Variants in TTC28 observed in about 807,000 individuals in gnomAD.
The protein encoded by TTC28 is tetratricopeptide repeat domain 28, also known as tetratricopeptide repeat protein 28.
Under a neutral mutation model 198.0 loss-of-function variants are expected in TTC28, and 61 were observed. The ratio of observed to expected loss-of-function variants is 0.31; its 90% CI spans 0.25 to 0.38. TTC28 has a LOEUF of 0.38. Ranked by LOEUF, TTC28 falls within the 10% of genes least tolerant of loss-of-function variation. The pLI, the probability that TTC28 is intolerant of heterozygous loss-of-function variation, is 1.00. For synonymous variants in TTC28, 1,171 were observed against 1,297.8 expected (o/e 0.90, Z 2.10); for missense variants, 2,678 against 3,164.0 (o/e 0.85, Z 3.69).
chr22:28,318,544 A>G (rs1291765514), intron 2 of TTC28, among the ~76,000 whole-genome samples: 1 of 152,196 alleles, frequency 6.6e-6, no homozygotes, highest in African/African-American at 2.4e-5. Flanking sequence ...CAGAGTCTTC[A>G]GAAAGCTATA....
At chr22:28,165,036 AG>A (rs1204981251) in intron 5 of TTC28, among the ~76,000 whole-genome samples, 1 of 152,252 alleles carries the variant, frequency 6.6e-6, no homozygotes. Context: ...TGAATGCACA[AG>A]CCTCAGTAGC....
intron 3 of TTC28, among the ~76,000 whole-genome samples, chr22:28,301,970 C>G (rs953011736): frequency 4.6e-5 from 7 of 151,734 alleles, no homozygotes; most frequent in African/African-American, 1.5e-4. Context: ...CCGGGAAGGT[C>G]GAGGCTGCAG....
At chr22:28,126,164 C>A (rs1012055670) in intron 6 of TTC28, among the ~76,000 whole-genome samples, 1 of 152,170 alleles carries the variant, frequency 6.6e-6, no homozygotes, top group African/African-American at 2.4e-5. Context: ...TTTACTGCAG[C>A]ATTACATGGT....
chr22:28,494,995 G>T (rs2048433719), intron 2 of TTC28, among the ~76,000 whole-genome samples: 1 of 151,904 alleles, frequency 6.6e-6, no homozygotes, highest in South Asian at 2.1e-4. Context: ...CTAACCAGAA[G>T]AATTCTGGTT....
chr22:28,670,155 C>T (rs1022331079), intron 1 of TTC28, among the ~76,000 whole-genome samples: 3 of 150,084 alleles, frequency 2.0e-5, no homozygotes, highest in African/African-American at 7.3e-5. Flanking sequence ...AAGGGTTAGA[C>T]TTTTATTTTC....
chr22:28,497,468 T>TC (rs2048472959), intron 2 of TTC28, among the ~76,000 whole-genome samples: 1 of 152,020 alleles, frequency 6.6e-6, no homozygotes, highest in Non-Finnish European at 1.5e-5. Context: ...TGGCTGCACA[T>TC]TAGAAGCAAT....
At chr22:28,270,232 C>T (rs141576772) in intron 5 of TTC28, among the ~76,000 whole-genome samples, 3 of 151,896 alleles carry the variant, frequency 2.0e-5, no homozygotes, top group South Asian at 4.2e-4. Flanking sequence ...AACAAAAGGC[C>T]GATGACAAAA....
chr22:28,385,760 A>G (rs1280009125), intron 2 of TTC28, among the ~76,000 whole-genome samples: 2 of 152,178 alleles, frequency 1.3e-5, no homozygotes, highest in African/African-American at 4.8e-5. Context: ...ACTACAATTT[A>G]GCTCCATCCT....
At position 27,998,856 on chromosome 22, in the gene TTC28, C is replaced by G. The variant is rs916946498; in HGVS notation, c.4803G>C (p.Leu1601=). The G allele has an allele frequency of 1.3e-6, 2 of 1,549,966 alleles. No individual in the cohort carries two copies. The highest frequency in any genetic ancestry group is 2.7e-5 in the African/African-American group (2 of 73,064). Residue 1601 remains leucine (L), a synonymous_variant, in exon 16 of 23, where the codon CTG becomes CTC. Coordinates refer to ENST00000397906, the MANE Select transcript of TTC28 (RefSeq NM_001145418.2). ...CGGCGGCAGTAAGCAGCAGCTCCTG[C>G]AGGGGCGGGCAGTCCGAGATGCTCT... ...DGESISDCPP[L]QELLLTAADV...
rs1937045851 is a variant in TTC28, at chr22:27,982,295, G to A, written c.7372C>T (p.Pro2458Ser). 6.7e-7 allele frequency: 1 copy of A among 1,502,670 alleles called. No homozygotes were observed. Among genetic ancestry groups the A allele is most frequent in the Non-Finnish European group, 8.9e-7 (1 of 1,124,520 alleles). 93.1% of individuals were successfully genotyped at this position (1,502,670 alleles called of 1,614,324 possible). A position where few individuals can be genotyped will look rare whatever the true frequency, so the allele number is the denominator to read the frequency against. ...AGPPATAPAR[P>S]LRLPSGNGYK... The stretch of plus-strand genomic sequence containing the variant: ...CCATTTCCAGAAGGAAGCCTCAAAG[G>A]GCGCGCGGGGGCTGTGGCGGGAGGG... The change falls in exon 23 of 23, where the codon CCT (proline) becomes TCT (serine). Residue 2458 changes from proline (P) to serine (S), a missense_variant. Pro to Ser is a moderately conservative substitution (Grantham distance 74). Around this residue, in one of 8 missense-constraint regions of TTC28, gnomAD observed 622 missense variants for 656.0 expected, o/e 0.95. Transcript: ENST00000397906. This position sits in a 1 kb window ranked among gnomAD's most constrained non-coding sequence, Gnocchi z 5.2.
Position 28,108,066 on chromosome 22 carries a change from C to T in TTC28, c.1779G>A (p.Glu593=). 6.4e-7 allele frequency: 1 copy of T among 1,551,612 alleles called. No homozygotes were observed. Among genetic ancestry groups the T allele is most frequent in the Non-Finnish European group, 8.7e-7 (1 of 1,146,974 alleles). Residue 593 remains glutamate (E), a synonymous_variant, in exon 7 of 23, where the codon GAG becomes GAA. Coordinates refer to ENST00000397906, the MANE Select transcript of TTC28 (RefSeq NM_001145418.2). ...IARELRDIQS[E]ARALSNLGNF... ...TGCCCAGGTTGCTGAGGGCCCGGGC[C>T]TCGCTCTGGATGTCTCGTAGCTCCC...
intron 13 of TTC28, among the ~76,000 whole-genome samples, chr22:28,016,157 C>A (rs1287387152): frequency 6.6e-6 from 1 of 152,054 alleles, no homozygotes; most frequent in Non-Finnish European, 1.5e-5. Context: ...CCAGGGAGCC[C>A]ACTCACATCC....
At chr22:28,111,243 A>T (rs547411680) in intron 6 of TTC28, among the ~76,000 whole-genome samples, 3 of 152,266 alleles carry the variant, frequency 2.0e-5, no homozygotes, top group African/African-American at 7.2e-5. Context: ...TAAGAAAGTA[A>T]TATTCCTGGG....
intron 2 of TTC28, among the ~76,000 whole-genome samples, chr22:28,388,584 G>A (rs543703803): frequency 6.6e-6 from 1 of 152,234 alleles, no homozygotes; most frequent in East Asian, 1.9e-4. Context: ...TGGATTCCTA[G>A]GTATTTTATT....
At chr22:28,248,232 C>T (rs2147267833) in intron 5 of TTC28, among the ~76,000 whole-genome samples, 2 of 152,246 alleles carry the variant, frequency 1.3e-5, no homozygotes, top group Middle Eastern at 3.4e-3. Context: ...ACATGTGGTG[C>T]CCACACATGG....
At chr22:28,591,167 G>T (rs1204465748) in intron 2 of TTC28, among the ~76,000 whole-genome samples, 1 of 147,936 alleles carries the variant, frequency 6.8e-6, no homozygotes, top group East Asian at 2.0e-4. Flanking sequence ...AGAGTACAGT[G>T]GAGTGACCAT....
chr22:28,642,070 C>G (rs2051376095), intron 1 of TTC28, among the ~76,000 whole-genome samples: 1 of 152,024 alleles, frequency 6.6e-6, no homozygotes, highest in South Asian at 2.1e-4. Context: ...TTTTAAGTTT[C>G]TAGCAGAATC....
chr22:28,674,699 A>ACTTGGGAGGC (rs2051951072), intron 1 of TTC28, among the ~76,000 whole-genome samples: 3 of 151,806 alleles, frequency 2.0e-5, no homozygotes, highest in Admixed American at 2.0e-4. Context: ...CACATCTGTA[A>ACTTGGGAGGC]TCCCAACTAC....
At chr22:28,678,365 C>G (rs1339651495) in intron 1 of TTC28, among the ~76,000 whole-genome samples, 3 of 152,174 alleles carry the variant, frequency 2.0e-5, no homozygotes, top group Admixed American at 2.0e-4. Context: ...CAAGTGCACT[C>G]TACCACACCC....
Sources: allele counts gnomAD v4.1 joint callset (sites outside exome capture counted in the v4.1 genomes callset), GRCh38; gene constraint gnomAD v4.1.1; regional missense constraint gnomAD v4.1.1; non-coding constraint Gnocchi (gnomAD v3.1); transcripts MANE v1.5; gene names NCBI Gene and HGNC (gene_info 2026-07-23, HGNC 2026-07-21).